The following PTGFRN variants were observed in gnomAD, a reference collection of about 807,000 sequenced individuals.
PTGFRN encodes prostaglandin F2 receptor inhibitor.
PTGFRN carries 35 observed loss-of-function variants against 83.2 expected under a neutral mutation model. That is an observed-to-expected ratio of 0.42 (90% CI 0.32 to 0.56). PTGFRN has a LOEUF of 0.56. PTGFRN is among the 20% of genes least tolerant of loss of function. The probability of loss-of-function intolerance (pLI) is 0.11; values close to 1 mark genes in which losing one functional copy is unlikely to be tolerated. For synonymous variants in PTGFRN, 519 were observed against 498.6 expected (o/e 1.04, Z -0.55); for missense variants, 1,051 against 1,179.5 (o/e 0.89, Z 1.60).
intron 1 of PTGFRN, among the ~76,000 whole-genome samples, chr1:116,913,002 TG>T (rs1649310297): frequency 6.6e-6 from 1 of 152,224 alleles, no homozygotes; most frequent in Non-Finnish European, 1.5e-5. Context: ...TGACCTGTCT[TG>T]CCCATCCACT....
At chr1:116,939,953 A>T (rs1650019531) in intron 1 of PTGFRN, among the ~76,000 whole-genome samples, 1 of 152,182 alleles carries the variant, frequency 6.6e-6, no homozygotes, top group South Asian at 2.1e-4. Context: ...GTTCCCAACA[A>T]GTTCCTCATC....
chr1:116,939,988 G>T (rs1650020510), intron 1 of PTGFRN, among the ~76,000 whole-genome samples: 1 of 152,104 alleles, frequency 6.6e-6, no homozygotes, highest in Admixed American at 6.6e-5. Context: ...CCTCAGCTGG[G>T]ACCTTGTCGT....
At chr1:116,916,219 A>G (rs1432446231) in intron 1 of PTGFRN, among the ~76,000 whole-genome samples, 3 of 152,208 alleles carry the variant, frequency 2.0e-5, no homozygotes, top group Non-Finnish European at 4.4e-5. Context: ...AAGCAGCTGG[A>G]ATGTGAAAAT....
chr1:116,942,587 A>G (rs1029130657), intron 2 of PTGFRN, among the ~76,000 whole-genome samples: 4 of 152,174 alleles, frequency 2.6e-5, no homozygotes, highest in Non-Finnish European at 5.9e-5. Flanking sequence ...TGGTCATGTT[A>G]ATGATGCTCA....
intron 7 of PTGFRN, among the ~76,000 whole-genome samples, chr1:116,976,450 A>G (rs1651157034): frequency 1.3e-5 from 2 of 152,238 alleles, no homozygotes; most frequent in Admixed American, 6.5e-5. Flanking sequence ...AATGAAGGAA[A>G]AAATGTTAAG....
At position 116,910,069 on chromosome 1, in the gene PTGFRN, C is replaced by A; in HGVS notation, c.-135C>A. The stretch of plus-strand genomic sequence containing the variant: ...GCCCCAGCGCTGGGATTTATCGGCT[C>A]GCGAGGAGAGCGGAGCAGGCGCGCG... On this transcript the variant is annotated 5_prime_UTR_variant, in exon 1 of 9. Transcript: ENST00000393203. 1 of 977,232 alleles carries A rather than the reference C, an allele frequency of 1.0e-6. No individual in the cohort carries two copies. The allele number at this position is 977,232 out of a possible 1,614,324, so 60.5% of individuals were successfully genotyped here.
chr1:116,978,264 A>G (rs1392902825), intron 7 of PTGFRN, among the ~76,000 whole-genome samples: 1 of 152,224 alleles, frequency 6.6e-6, no homozygotes, highest in Non-Finnish European at 1.5e-5. Flanking sequence ...CCAGGAGCAG[A>G]CGGATTCACA....
chr1:116,987,517 G>A lies in PTGFRN; in HGVS notation c.*550G>A, dbSNP rs1651536667. ...CCCACCCCCTGTTTTCAGGGGTTTA[G>A]ACTACATTTGAAATCCAAACTTGGA... is the stretch of plus-strand genomic sequence containing the variant. On this transcript the variant is annotated 3_prime_UTR_variant, in exon 9 of 9. Coordinates refer to ENST00000393203, the MANE Select transcript of PTGFRN (RefSeq NM_020440.4). 6.7e-6 allele frequency: 1 copy of A among 150,148 alleles called. No individual in the cohort carries two copies. Among genetic ancestry groups the A allele is most frequent in the Admixed American group, 6.6e-5 (1 of 15,072 alleles). 9.3% of individuals were successfully genotyped at this position (150,148 alleles called of 1,614,324 possible).
chr1:116,979,912 A>G (rs1183962400), intron 7 of PTGFRN, among the ~76,000 whole-genome samples: 5 of 152,362 alleles, frequency 3.3e-5, no homozygotes, highest in Non-Finnish European at 5.9e-5. Context: ...AGCAAAAGAA[A>G]CTACCATCAG....
chr1:116,928,848 A>G (rs930281328), intron 1 of PTGFRN, among the ~76,000 whole-genome samples: 25 of 152,260 alleles, frequency 1.6e-4, no homozygotes, highest in Middle Eastern at 3.4e-3. Context: ...TAAGGGCTCT[A>G]TCTTTGGCTC....
intron 4 of PTGFRN, among the ~76,000 whole-genome samples, chr1:116,951,688 TCTC>T (rs1272102283): frequency 1.3e-5 from 2 of 152,032 alleles, no homozygotes; most frequent in East Asian, 1.9e-4. Flanking sequence ...TCTTAAGACT[TCTC>T]CTCCTTCCCT....
intron 1 of PTGFRN, among the ~76,000 whole-genome samples, chr1:116,934,500 C>T (rs2101059171): frequency 6.6e-6 from 1 of 152,080 alleles, no homozygotes; most frequent in East Asian, 1.9e-4. Context: ...TTATTGACCT[C>T]TTAATTTCGG....
chr1:116,911,327 A>C (rs1649268542), intron 1 of PTGFRN, among the ~76,000 whole-genome samples: 1 of 152,148 alleles, frequency 6.6e-6, no homozygotes, highest in East Asian at 1.9e-4. Flanking sequence ...TGTCCGTGCC[A>C]TTCAGGTCCC....
Position 116,961,784 on chromosome 1 carries a change from C to G in PTGFRN, c.1639+116C>G. ...ATCACTTACACTAGGAATGTGTGTC[C>G]TGGACATTGATCGCCATGCGACCCG... On this transcript the variant is annotated intron_variant, in intron 5 of 8. Transcript: ENST00000393203. The surrounding 1 kb of genome is among the most constrained non-coding windows in gnomAD (Gnocchi z 5.4). 9.6e-7 allele frequency: 1 copy of G among 1,037,648 alleles called. No individual in the cohort carries two copies. The highest frequency in any genetic ancestry group is 1.4e-6 in the Non-Finnish European group (1 of 726,256). 64.3% of individuals were successfully genotyped at this position (1,037,648 alleles called of 1,614,324 possible). A position where few individuals can be genotyped will look rare whatever the true frequency, so the allele number is the denominator to read the frequency against.
In PTGFRN at chr1:116,935,860, T is replaced by C. The variant is rs111743606; in HGVS notation, c.50-5855T>C. On this transcript the variant is annotated intron_variant, in intron 1 of 8. Coordinates refer to ENST00000393203, the MANE Select transcript of PTGFRN (RefSeq NM_020440.4). ...TTTATTATGTGAATTTTTGTGTCAT[T>C]GAACAACCCAGTAGTGTCCTCAATA... is the stretch of plus-strand genomic sequence containing the variant. 5.3e-3 allele frequency among the ~76,000 whole-genome samples: 811 copies of C among 152,346 alleles called. 4 individuals carry two copies. Among genetic ancestry groups the C allele is most frequent in the Non-Finnish European group, 9.3e-3 (636 of 68,030 alleles).
intron 1 of PTGFRN, among the ~76,000 whole-genome samples, chr1:116,929,851 T>A (rs993406396): frequency 5.3e-5 from 8 of 152,202 alleles, no homozygotes; most frequent in Non-Finnish European, 1.0e-4. Flanking sequence ...CCCTGCTTGC[T>A]GCTTCAGTGC....
At chr1:116,937,845 C>T (rs1649960389) in intron 1 of PTGFRN, among the ~76,000 whole-genome samples, 1 of 152,166 alleles carries the variant, frequency 6.6e-6, no homozygotes, top group Admixed American at 6.5e-5. Flanking sequence ...ATAACCGCAG[C>T]CCCTTGCCAT....
chr1:116,986,137 C>T (rs915973057), intron 8 of PTGFRN, among the ~76,000 whole-genome samples: 2 of 152,078 alleles, frequency 1.3e-5, no homozygotes, highest in Non-Finnish European at 1.5e-5. Flanking sequence ...AAAATTAAAC[C>T]TTAGCAAACG....
rs1354580595 is a variant in PTGFRN, at chr1:116,989,455, A to C, written c.*2488A>C. ...TTTGTTGTACCAAATAGGGCTCCCC[A>C]CCCCACCCCTGCGACAAGTGCTCTT... is the stretch of plus-strand genomic sequence containing the variant. On this transcript the variant is annotated 3_prime_UTR_variant, in exon 9 of 9. Coordinates refer to ENST00000393203, the MANE Select transcript of PTGFRN (RefSeq NM_020440.4). The C allele has an allele frequency of 1.3e-5, 2 of 152,290 alleles. No individual in the cohort carries two copies. Among genetic ancestry groups the C allele is most frequent in the Admixed American group, 6.6e-5 (1 of 15,256 alleles). The allele number at this position is 152,290 out of a possible 1,614,324, so 9.4% of individuals were successfully genotyped here. A position where few individuals can be genotyped will look rare whatever the true frequency, so the allele number is the denominator to read the frequency against.
Sources: allele counts gnomAD v4.1 joint callset (sites outside exome capture counted in the v4.1 genomes callset), GRCh38; gene constraint gnomAD v4.1.1; non-coding constraint Gnocchi (gnomAD v3.1); transcripts MANE v1.5; gene names NCBI Gene and HGNC (gene_info 2026-07-23, HGNC 2026-07-21).